LY9: variants seen among roughly 807,000 people sequenced by gnomAD.
LY9 encodes the protein T-lymphocyte surface antigen Ly-9.
LY9 carries 59 observed loss-of-function variants against 64.6 expected under a neutral mutation model. The observed-to-expected ratio is 0.91, with a 90% CI of 0.74 to 1.13. LY9 has a LOEUF of 1.13. Ranked by LOEUF, LY9 falls within the 50% of genes most tolerant of loss-of-function variation. The pLI is 0.00. For missense variants in LY9, 789 were observed against 797.2 expected (o/e 0.99, Z 0.12); for synonymous variants, 281 against 308.5 (o/e 0.91, Z 0.93).
chr1:160,813,567 CCTT>C (rs1667693409), intron 2 of LY9, 66 bp from the exon 3 acceptor site: 8 of 1,508,834 alleles, frequency 5.3e-6, no homozygotes, highest in South Asian at 1.3e-5. Context: ...ATTGTCACTC[CCTT>C]CTTCTCTCAG....
Position 160,828,070 on chromosome 1 carries a change from T to C in LY9, c.*254T>C, listed in dbSNP as rs183860646. ...CCCCATTTGTCACCTCGCACACTTA[T>C]AGCGTTTCCTCCTCGAAATTCTACC... is the stretch of plus-strand genomic sequence containing the variant. On this transcript the variant is annotated 3_prime_UTR_variant, in exon 10 of 10. Coordinates refer to ENST00000263285, the MANE Select transcript of LY9 (RefSeq NM_002348.4). 176 of 270,406 alleles carry C rather than the reference T, an allele frequency of 6.5e-4. 1 individual carries two copies. The highest frequency in any genetic ancestry group is 3.4e-3 in the African/African-American group (155 of 45,002). 16.8% of individuals were successfully genotyped at this position (270,406 alleles called of 1,614,324 possible).
At chr1:160,803,556 C>A (rs6656939) in intron 2 of LY9, among the ~76,000 whole-genome samples, 7 of 151,950 alleles carry the variant, frequency 4.6e-5, no homozygotes, top group African/African-American at 1.5e-4. Context: ...TATTATAAAC[C>A]GGATTCACTT....
rs778095748 is a variant in LY9 at position 160,796,244 on chromosome 1, G to A, written c.57G>A (p.Lys19=). The change falls in exon 1 of 10, where the codon AAG becomes AAA. Residue 19 remains lysine (K), a synonymous_variant. Coordinates refer to ENST00000263285, the MANE Select transcript of LY9 (RefSeq NM_002348.4). ...DDWAPGPFSS[K]PQRSQLQIFS... is the part of the protein sequence containing the mutation. Reference sequence around the variant, plus strand: ...GGGCTCCTGGGCCTTTCTCCAGTAAGCCACAGAGGAGTCAGCTGCAAATAT... The same window carrying A: ...GGGCTCCTGGGCCTTTCTCCAGTAAACCACAGAGGAGTCAGCTGCAAATAT... The A allele has an allele frequency of 6.8e-6, 11 of 1,614,100 alleles. 1 individual carries two copies. The South Asian group carries it at 1.1e-4, about 16-fold the overall frequency.
intron 2 of LY9, chr1:160,810,141 A>T (rs1667354117): frequency 6.6e-6 from 1 of 152,300 alleles, no homozygotes; most frequent in South Asian, 2.1e-4. Flanking sequence ...AGCCTCCCAA[A>T]GTGCTAGGAT....
chr1:160,804,254 G>A (rs770915597), intron 2 of LY9, among the ~76,000 whole-genome samples: 10 of 152,032 alleles, frequency 6.6e-5, no homozygotes, highest in Non-Finnish European at 1.2e-4. Context: ...ACTATTTTGA[G>A]GTATATTCCT....
At chr1:160,801,786 C>G (rs1235975299) in intron 2 of LY9, 6 of 1,608,648 alleles carry the variant, frequency 3.7e-6, no homozygotes, top group Non-Finnish European at 3.4e-6. Flanking sequence ...TTCAATTTTC[C>G]CAGCACCATT....
At chr1:160,802,727 A>G in intron 2 of LY9, 1 of 914,340 alleles carries the variant, frequency 1.1e-6, no homozygotes, top group Non-Finnish European at 1.3e-6. Context: ...TAAATAAATA[A>G]AAAGTATCTT....
At chr1:160,817,864 T>TTAAC (rs1668078024) in intron 5 of LY9, among the ~76,000 whole-genome samples, 1 of 152,112 alleles carries the variant, frequency 6.6e-6, no homozygotes, top group South Asian at 2.1e-4. Context: ...AGAGTCCAGC[T>TTAAC]TAACAGGAAT....
intron 3 of LY9, 100 bp from the exon 4 acceptor site, chr1:160,814,320 G>A: frequency 1.2e-6 from 1 of 863,394 alleles, no homozygotes; most frequent in Non-Finnish European, 1.9e-6. Context: ...AAGAGGAAGA[G>A]GAGGAGGGAC....
chr1:160,810,397 C>A (rs1213811522), intron 2 of LY9: 1 of 152,170 alleles, frequency 6.6e-6, no homozygotes, highest in Non-Finnish European at 1.5e-5. Context: ...CTCTCTTCGG[C>A]TTGTAGTTGG....
intron 2 of LY9, among the ~76,000 whole-genome samples, chr1:160,809,549 A>G (rs754100692): frequency 1.3e-5 from 2 of 151,862 alleles, no homozygotes; most frequent in Non-Finnish European, 2.9e-5. Context: ...TTTTGTAGAG[A>G]CTGGTTCTCA....
At chr1:160,825,639 G>A (rs771315354) in intron 9 of LY9, among the ~76,000 whole-genome samples, 1 of 152,166 alleles carries the variant, frequency 6.6e-6, no homozygotes, top group Non-Finnish European at 1.5e-5. Flanking sequence ...GCTGGGCGTG[G>A]TGGCTCATGC....
chr1:160,827,430 A>G (rs937909361), intron 9 of LY9, among the ~76,000 whole-genome samples: 5 of 152,194 alleles, frequency 3.3e-5, no homozygotes, highest in Non-Finnish European at 5.9e-5. Context: ...TTCTCCAGCT[A>G]GGGCAGAGAT....
intron 9 of LY9, 150 bp from the exon 10 acceptor site, chr1:160,827,598 C>G (rs1668927161): frequency 1.8e-6 from 1 of 554,866 alleles, no homozygotes; most frequent in Admixed American, 3.4e-5. Context: ...TGGCATCAGG[C>G]TGGTTGATTG....
chr1:160,802,143 C>T, intron 2 of LY9: 1 of 1,300,420 alleles, frequency 7.7e-7, no homozygotes, highest in Non-Finnish European at 9.8e-7. Context: ...TGTGAAGAGC[C>T]GCTGACGCCC....
At chr1:160,798,248 G>A (rs1043022957) in intron 1 of LY9, among the ~76,000 whole-genome samples, 1 of 152,066 alleles carries the variant, frequency 6.6e-6, no homozygotes, top group Non-Finnish European at 1.5e-5. Flanking sequence ...AGCAGCTCCT[G>A]GGCTTCCAGG....
In LY9 at chr1:160,813,775, T is replaced by C; in HGVS notation, c.594T>C (p.Ala198=). ...GCTGGACCCCAAGGGAACCCCATGC[T>C]TCTGAGTCCAATGGAGGCTCCATTC... The part of the protein sequence containing the change: ...LYSWTPREPH[A]SESNGGSILT... Residue 198 remains alanine, a synonymous_variant, in exon 3 of 10, where the codon GCT becomes GCC. Transcript: ENST00000263285. 6.2e-7 allele frequency: 1 copy of C among 1,614,164 alleles called. No individual in the cohort carries two copies.
chr1:160,814,538 G>C lies in LY9; in HGVS notation c.849G>C (p.Leu283Phe), dbSNP rs1048759883. ...ACRDTEKVVW[L>F]FNTSIISKER... ...GGGACACAGAGAAGGTTGTCTGGTT[G>C]TTTAACACATCCATCATTAGCAAAG... The change falls in exon 4 of 10, where the codon TTG becomes TTC. Residue 283 changes from leucine (L) to phenylalanine (F), a missense_variant. Transcript: ENST00000263285. 3 of 1,614,156 alleles carry C rather than the reference G, an allele frequency of 1.9e-6. No individual in the cohort carries two copies. The highest frequency in any genetic ancestry group is 2.2e-5 in the South Asian group (2 of 91,076).
At chr1:160,805,739 T>TCA (rs1491182156) in intron 2 of LY9, among the ~76,000 whole-genome samples, 181 of 111,944 alleles carry the variant, frequency 1.6e-3, no homozygotes, top group African/African-American at 5.3e-3. Context: ...TCTCTCTCTG[T>TCA]CTCACACACA....
Sources: gnomAD v4.1 joint callset for allele counts (sites outside exome capture counted in the v4.1 genomes callset) on GRCh38, gnomAD v4.1.1 for gene constraint, MANE v1.5 for transcripts, NCBI Gene and HGNC (gene_info 2026-07-23, HGNC 2026-07-21) for gene names.